RBFOX1: variants seen among roughly 807,000 people sequenced by gnomAD.
The protein encoded by RBFOX1 is RNA binding protein fox-1 homolog 1.
In RBFOX1, 8 loss-of-function variants were observed where a neutral mutation model predicts 57.7. The observed-to-expected ratio is 0.14, with a 90% CI of 0.08 to 0.25. RBFOX1 has a LOEUF of 0.25. Ranked by LOEUF, RBFOX1 falls within the 10% of genes least tolerant of loss-of-function variation. RBFOX1 has a pLI of 1.00. For missense variants in RBFOX1, 611 were observed against 548.5 expected (o/e 1.11, Z -1.14); for synonymous variants, 326 against 222.4 (o/e 1.47, Z -4.15).
At chr16:6,372,078 G>C (rs1482290034) in intron 2 of RBFOX1, among the ~76,000 whole-genome samples, 2 of 152,200 alleles carry the variant, frequency 1.3e-5, no homozygotes, top group Non-Finnish European at 2.9e-5. Context: ...TCATTGGGTA[G>C]GAGGGTGGAT....
chr16:5,536,405 T>C (rs1344812426), intron 2 of RBFOX1, among the ~76,000 whole-genome samples: 1 of 151,964 alleles, frequency 6.6e-6, no homozygotes, highest in Non-Finnish European at 1.5e-5. Flanking sequence ...CGGCTAATTT[T>C]TGCATTTTTA....
intron 2 of RBFOX1, among the ~76,000 whole-genome samples, chr16:6,367,307 G>A (rs1327379333): frequency 3.9e-5 from 6 of 151,922 alleles, no homozygotes; most frequent in Admixed American, 6.6e-5. Flanking sequence ...GTCTCACACC[G>A]TTGCCTGGGC....
intron 1 of RBFOX1, among the ~76,000 whole-genome samples, chr16:5,413,737 G>T (rs1169757456): frequency 6.6e-6 from 1 of 152,186 alleles, no homozygotes; most frequent in African/African-American, 2.4e-5. Context: ...AACCTTCGTT[G>T]TGGGACAGGA....
At chr16:5,471,844 C>T (rs559603528) in intron 2 of RBFOX1, among the ~76,000 whole-genome samples, 2 of 152,100 alleles carry the variant, frequency 1.3e-5, no homozygotes, top group African/African-American at 2.4e-5. Context: ...GTGGCTAGAC[C>T]AAGGAGAAGA....
chr16:6,794,217 A>T lies in RBFOX1; in HGVS notation c.-16+139567A>T, dbSNP rs541242934. ...CGGGATTACTGGGAGAAGGCTTGTG[A>T]CTTTTAGGTCCTCTCAGAGCTCTTC... On this transcript the variant is annotated intron_variant, in intron 3 of 15. Coordinates refer to ENST00000550418, the MANE Select transcript of RBFOX1 (RefSeq NM_018723.4). Among the ~76,000 whole-genome samples, 4 of 149,438 alleles carry T rather than the reference A, an allele frequency of 2.7e-5. No homozygotes were observed. In the East Asian group the frequency reaches 6.0e-4, roughly 22 times the overall value.
intron 2 of RBFOX1, among the ~76,000 whole-genome samples, chr16:6,476,488 C>G (rs2095273825): frequency 6.6e-6 from 1 of 152,158 alleles, no homozygotes; most frequent in Non-Finnish European, 1.5e-5. Context: ...ATACTGTAGT[C>G]TATTAAGTGT....
At chr16:7,434,708 C>G (rs1048314313) in intron 4 of RBFOX1, among the ~76,000 whole-genome samples, 3 of 151,190 alleles carry the variant, frequency 2.0e-5, no homozygotes, top group East Asian at 1.9e-4. Context: ...TCCCATCTAC[C>G]CAGCGTCTAG....
intron 4 of RBFOX1, among the ~76,000 whole-genome samples, chr16:5,994,817 T>G (rs962757978): frequency 1.3e-5 from 2 of 152,196 alleles, no homozygotes; most frequent in African/African-American, 4.8e-5. Flanking sequence ...TCCACTATAT[T>G]TCAGGGCCTA....
At chr16:7,269,888 G>C (rs1040807467) in intron 4 of RBFOX1, among the ~76,000 whole-genome samples, 1 of 152,156 alleles carries the variant, frequency 6.6e-6, no homozygotes, top group Admixed American at 6.5e-5. Context: ...TAGCGTATTA[G>C]CATACCGTTT....
chr16:6,022,082 C>G (rs112805132), intron 1 of RBFOX1, among the ~76,000 whole-genome samples: 6 of 152,228 alleles, frequency 3.9e-5, no homozygotes, highest in African/African-American at 1.4e-4. Context: ...CAAGGAGGAT[C>G]ACGGACAAGC....
intron 3 of RBFOX1, among the ~76,000 whole-genome samples, chr16:5,747,585 A>C (rs527295412): frequency 9.9e-5 from 15 of 152,256 alleles, no homozygotes; most frequent in African/African-American, 3.4e-4. Flanking sequence ...TCAGGGATTC[A>C]ACTTATACCT....
intron 3 of RBFOX1, among the ~76,000 whole-genome samples, chr16:6,835,864 C>T (rs1485906314): frequency 6.6e-6 from 1 of 151,576 alleles, no homozygotes; most frequent in African/African-American, 2.4e-5. Context: ...ACCCAGGCTC[C>T]TTCCCTAGGT....
At chr16:6,965,742 C>T (rs192769511) in intron 3 of RBFOX1, among the ~76,000 whole-genome samples, 9 of 152,290 alleles carry the variant, frequency 5.9e-5, no homozygotes, top group Admixed American at 5.2e-4. Flanking sequence ...TGATAATAAT[C>T]ATGTTTATTA....
intron 4 of RBFOX1, among the ~76,000 whole-genome samples, chr16:7,290,948 C>G (rs2095758246): frequency 1.3e-5 from 2 of 152,192 alleles, no homozygotes; most frequent in Non-Finnish European, 2.9e-5. Context: ...TTGCCTCCAT[C>G]TCAATATTGC....
chr16:7,520,067 G>A (rs1249557880), intron 5 of RBFOX1, among the ~76,000 whole-genome samples: 1 of 151,948 alleles, frequency 6.6e-6, no homozygotes, highest in Non-Finnish European at 1.5e-5. Flanking sequence ...TTGTATTTTT[G>A]GTAGAGACGG....
intron 3 of RBFOX1, among the ~76,000 whole-genome samples, chr16:6,920,160 T>G (rs1192182538): frequency 6.6e-6 from 1 of 152,230 alleles, no homozygotes; most frequent in Non-Finnish European, 1.5e-5. Flanking sequence ...TAGGTGTATT[T>G]TCTTTATCCA....
intron 2 of RBFOX1, among the ~76,000 whole-genome samples, chr16:6,621,516 C>T (rs919424426): frequency 6.6e-6 from 1 of 152,166 alleles, no homozygotes; most frequent in Non-Finnish European, 1.5e-5. Flanking sequence ...TAGTGTCAGG[C>T]TGTACCCTAA....
chr16:6,052,744 A>G lies in RBFOX1; in HGVS notation c.-127+32752A>G, dbSNP rs542973276. ...GCTTGCAGTGAGCCGAGATCGCGCC[A>G]CTGCACTCCAGCCTGGGAGACAGAG... On this transcript the variant is annotated intron_variant, in intron 1 of 15. Coordinates refer to ENST00000550418, the MANE Select transcript of RBFOX1 (RefSeq NM_018723.4). Among the ~76,000 whole-genome samples the G allele has an allele frequency of 2.5e-3, 379 of 151,612 alleles. 2 individuals carry two copies. Among genetic ancestry groups the G allele is most frequent in the African/African-American group, 8.5e-3 (350 of 41,384 alleles).
At chr16:7,510,200 G>T in intron 4 of RBFOX1, 1 of 985,892 alleles carries the variant, frequency 1.0e-6, no homozygotes, top group Non-Finnish European at 1.2e-6. Context: ...ACATTGCACA[G>T]CGCGCACACC....
Sources: allele counts gnomAD v4.1 joint callset (sites outside exome capture counted in the v4.1 genomes callset), GRCh38; gene constraint gnomAD v4.1.1; transcripts MANE v1.5; gene names NCBI Gene and HGNC (gene_info 2026-07-23, HGNC 2026-07-21).